The following C6orf89 variants were observed in gnomAD, a reference collection of about 807,000 sequenced individuals.
The protein encoded by C6orf89 is bombesin receptor-activated protein C6orf89.
In C6orf89, 29 loss-of-function variants were observed where a neutral mutation model predicts 40.7. That is an observed-to-expected ratio of 0.71 (90% CI 0.53 to 0.97). The LOEUF (loss-of-function observed/expected upper bound fraction) is 0.97, where lower values mean the gene tolerates loss of function less well. C6orf89 is among the 50% of genes least tolerant of loss of function. The probability of loss-of-function intolerance (pLI) is 0.00; values close to 1 mark genes in which losing one functional copy is unlikely to be tolerated. For missense variants in C6orf89, 392 were observed against 429.1 expected, an observed-to-expected ratio of 0.91 and a Z score of 0.76; for synonymous variants, 165 against 152.2, an observed-to-expected ratio of 1.08 and a Z score of -0.62.
intron 2 of C6orf89, among the ~76,000 whole-genome samples, chr6:36,898,106 G>A (rs938072121): frequency 3.3e-5 from 5 of 150,200 alleles, no homozygotes; most frequent in African/African-American, 9.8e-5. Flanking sequence ...CTCTAGAGAT[G>A]GGATCTCGTT....
Position 36,914,706 on chromosome 6 carries a change from A to G in C6orf89, c.695+13A>G. 1.9e-6 allele frequency: 3 copies of G among 1,611,664 alleles called. No individual in the cohort carries two copies. Among genetic ancestry groups the G allele is most frequent in the Middle Eastern group, 3.3e-4 (2 of 6,038 alleles). The stretch of plus-strand genomic sequence containing the variant: ...TTCCTTATCCATGGTGAGTGTGAAA[A>G]GGGCCGGGCACAGTGGCTCATGCCT... On this transcript the variant is annotated intron_variant, in intron 6 of 8. Coordinates refer to ENST00000480824, the MANE Select transcript of C6orf89 (RefSeq NM_001286635.2).
chr6:36,885,782 C>T (rs992491084), upstream of C6orf89: 18 of 384,818 alleles, frequency 4.7e-5, no homozygotes, highest in South Asian at 1.4e-4. Flanking sequence ...AGAAGGACGC[C>T]AGGGGGAGCA....
chr6:36,892,341 T>A (rs12194154), intron 1 of C6orf89, among the ~76,000 whole-genome samples: 31,829 of 152,104 alleles, frequency 0.21, 3,429 homozygotes, highest in East Asian at 0.3. Flanking sequence ...ATTTTTAATT[T>A]TTTTAAAAGA....
chr6:36,894,572 G>T lies in C6orf89; in HGVS notation c.-51G>T. 1.0e-6 allele frequency: 1 copy of T among 985,290 alleles called. No homozygotes were observed. The highest frequency in any genetic ancestry group is 1.2e-6 in the Non-Finnish European group (1 of 829,860). 61.0% of individuals were successfully genotyped at this position (985,290 alleles called of 1,614,324 possible). The stretch of plus-strand genomic sequence containing the variant: ...TGTGATCAAGGGACACGTGGTTTCC[G>T]AACTGCCAGCTCAGAATAGGAAAAT... On this transcript the variant is annotated 5_prime_UTR_variant, in exon 2 of 9. Transcript: ENST00000480824.
rs1435222596 is a variant in C6orf89, at chr6:36,902,251, A to G, written c.220A>G (p.Thr74Ala). 5 of 1,614,076 alleles carry G rather than the reference A, an allele frequency of 3.1e-6. No homozygotes were observed. The highest frequency in any genetic ancestry group is 4.2e-6 in the Non-Finnish European group (5 of 1,180,014). Residue 74 changes from threonine to alanine, a missense_variant, in exon 4 of 9, where the codon ACT becomes GCT. Physicochemically the swap from Thr to Ala is moderately conservative, Grantham distance 58. Transcript: ENST00000480824. ...CGCAACCTTGGGATTAATCTTGCTC[A>G]CTGCCTACTTTGTGATTCAACCTTT... ...VLATLGLILL[T>A]AYFVIQPFSP...
At chr6:36,914,825 A>G (rs559350934) in intron 6 of C6orf89, 132 bp downstream of exon 6, 13 of 1,084,492 alleles carry the variant, frequency 1.2e-5, no homozygotes, top group Non-Finnish European at 1.5e-5. Context: ...CCCCATCTCT[A>G]CTAAAAATAC....
At chr6:36,905,569 C>T (rs1394096568) in intron 4 of C6orf89, among the ~76,000 whole-genome samples, 1 of 152,156 alleles carries the variant, frequency 6.6e-6, no homozygotes, top group Non-Finnish European at 1.5e-5. Context: ...AGTCTGCACC[C>T]TGACATTCAG....
Position 36,928,295 on chromosome 6 carries a change from A to T in C6orf89, c.*4854A>T, listed in dbSNP as rs1430368549. 1 of 152,282 alleles carries T rather than the reference A, an allele frequency of 6.6e-6. No homozygotes were observed. Among genetic ancestry groups the T allele is most frequent in the Non-Finnish European group, 1.5e-5 (1 of 68,102 alleles). The allele number at this position is 152,282 out of a possible 1,614,324, so 9.4% of individuals were successfully genotyped here. A position where few individuals can be genotyped will look rare whatever the true frequency, so the allele number is the denominator to read the frequency against. ...CTGTGTGGAGAAAGGAACCCAGCCGAGGTCTGAGTTTCAGACAGAAACTGG... is the reference window on the plus strand; with the variant it reads ...CTGTGTGGAGAAAGGAACCCAGCCGTGGTCTGAGTTTCAGACAGAAACTGG... On this transcript the variant is annotated 3_prime_UTR_variant, in exon 9 of 9. Transcript: ENST00000480824.
At chr6:36,873,048 A>T (rs1417489267) in intron 1 of C6orf89, among the ~76,000 whole-genome samples, 2 of 152,228 alleles carry the variant, frequency 1.3e-5, no homozygotes, top group East Asian at 3.8e-4. Flanking sequence ...TTCATCTTTC[A>T]CACTGCTCCC....
chr6:36,905,897 C>T (rs1583179033), intron 4 of C6orf89, among the ~76,000 whole-genome samples: 1 of 152,314 alleles, frequency 6.6e-6, no homozygotes, highest in East Asian at 1.9e-4. Flanking sequence ...CAAAATCACA[C>T]TTGAACCCTA....
intron 1 of C6orf89, chr6:36,874,963 T>C: frequency 1.6e-6 from 1 of 620,794 alleles, no homozygotes; most frequent in Non-Finnish European, 2.8e-6. Context: ...GAGAAGAAGC[T>C]GGGCTCAAGA....
chr6:36,895,344 T>G (rs115229063), intron 2 of C6orf89, among the ~76,000 whole-genome samples: 2 of 152,222 alleles, frequency 1.3e-5, no homozygotes, highest in East Asian at 3.8e-4. Context: ...TTTGGTGTTA[T>G]TGTTAGTATG....
At chr6:36,888,210 G>T (rs1272654747) in intron 1 of C6orf89, among the ~76,000 whole-genome samples, 1 of 152,196 alleles carries the variant, frequency 6.6e-6, no homozygotes, top group Admixed American at 6.5e-5. Context: ...ACAGTAAGTG[G>T]TAAAATCTAG....
exon 2 of C6orf89, chr6:36,879,102 A>G (rs1278695182): frequency 6.5e-6 from 1 of 153,772 alleles, no homozygotes; most frequent in African/African-American, 2.4e-5. Flanking sequence ...ACTTGTGTCT[A>G]TTGATCTCTC....
intron 1 of C6orf89, among the ~76,000 whole-genome samples, chr6:36,876,824 C>T (rs1365771928): frequency 6.6e-6 from 1 of 151,842 alleles, no homozygotes; most frequent in Admixed American, 6.6e-5. Context: ...CAAAAATTTC[C>T]CCTGGAGTGA....
At chr6:36,905,217 G>A (rs183473774) in intron 4 of C6orf89, among the ~76,000 whole-genome samples, 2 of 152,272 alleles carry the variant, frequency 1.3e-5, no homozygotes, top group African/African-American at 2.4e-5. Flanking sequence ...TGAGGACACT[G>A]AGGCACAGTA....
intron 2 of C6orf89, among the ~76,000 whole-genome samples, chr6:36,898,522 G>A (rs1583165912): frequency 6.6e-6 from 1 of 151,614 alleles, no homozygotes; most frequent in South Asian, 2.1e-4. Context: ...CAGGTGATCC[G>A]CCTGCCTCAG....
chr6:36,905,823 T>C (rs1429890512), intron 4 of C6orf89, among the ~76,000 whole-genome samples: 1 of 152,150 alleles, frequency 6.6e-6, no homozygotes, highest in African/African-American at 2.4e-5. Context: ...ACATACCCCA[T>C]TTTATAAAAG....
chr6:36,882,882 C>T (rs576392792), upstream of C6orf89, among the ~76,000 whole-genome samples: 87 of 151,558 alleles, frequency 5.7e-4, no homozygotes, highest in African/African-American at 2.1e-3. Context: ...GGACTACAGG[C>T]GCCCGCCACC....
Sources: allele counts gnomAD v4.1 joint callset (sites outside exome capture counted in the v4.1 genomes callset), GRCh38; gene constraint gnomAD v4.1.1; transcripts MANE v1.5; gene names NCBI Gene and HGNC (gene_info 2026-07-23, HGNC 2026-07-21).